The following MIB1 variants were observed in gnomAD, a reference collection of about 807,000 sequenced individuals.
MIB1 encodes E3 ubiquitin-protein ligase MIB1.
In MIB1, 278 loss-of-function variants were observed where a neutral mutation model predicts 124.5. That is an observed-to-expected ratio of 2.23 (90% CI 2.02 to 2.47). The LOEUF is 2.47. Ranked by LOEUF, MIB1 falls within the 30% of genes most tolerant of loss-of-function variation. The pLI is 0.00. For missense variants in MIB1, 957 were observed against 1,254.4 expected (o/e 0.76, Z 3.58); for synonymous variants, 446 against 429.4 (o/e 1.04, Z -0.48).
chr18:21,854,557 C>T (rs1013979945), intron 18 of MIB1: 1 of 161,084 alleles, frequency 6.2e-6, no homozygotes, highest in African/African-American at 2.4e-5. Flanking sequence ...TAATATTTCC[C>T]CCCAGGAGCT....
chr18:21,745,952 A>G (rs2040908325), intron 1 of MIB1, among the ~76,000 whole-genome samples: 1 of 152,044 alleles, frequency 6.6e-6, no homozygotes, highest in African/African-American at 2.4e-5. Context: ...AGTGATCCAT[A>G]GCCTCAGCCT....
rs767113193 is a variant in MIB1 at position 21,864,964 on chromosome 18, TTC to T, written c.*302_*303del. 12 of 206,706 alleles carry T rather than the reference TTC, an allele frequency of 5.8e-5. No individual in the cohort carries two copies. Among genetic ancestry groups the T allele is most frequent in the Non-Finnish European group, 9.6e-5 (10 of 104,358 alleles). The allele number at this position is 206,706 out of a possible 1,614,324, so 12.8% of individuals were successfully genotyped here. On this transcript the variant is annotated 3_prime_UTR_variant, in exon 21 of 21. Transcript: ENST00000261537. ...TATCCTTTTTTAAAAAATTGCATTTTTCTCTTATAATTTGTAAATTTGTTGGA... is the reference window on the plus strand; with the variant it reads ...TATCCTTTTTTAAAAAATTGCATTTTTCTTATAATTTGTAAATTTGTTGGA...
chr18:21,766,650 A>G (rs1408303459), intron 2 of MIB1, among the ~76,000 whole-genome samples: 4 of 113,520 alleles, frequency 3.5e-5, no homozygotes, highest in African/African-American at 9.9e-5. Context: ...GGTGTAGATC[A>G]TAATCGTGCC....
In MIB1 at chr18:21,844,101, C is replaced by T. The variant is rs371835384; in HGVS notation, c.2059C>T (p.Arg687Cys). 3.1e-6 allele frequency: 5 copies of T among 1,613,492 alleles called. No homozygotes were observed. The highest frequency in any genetic ancestry group is 4.2e-6 in the Non-Finnish European group (5 of 1,179,838). ...QHTQIVRLLV[R>C]AGAKLDIQDK... The stretch of plus-strand genomic sequence containing the variant: ...CATCTTTCTCTTTTAGCTTTTGGTC[C>T]GTGCAGGTGCCAAGCTTGATATTCA... The change falls in exon 15 of 21, where the codon CGT becomes TGT. Residue 687 changes from arginine to cysteine, a missense_variant. Physicochemically the swap from Arg to Cys is radical, Grantham distance 180. Coordinates refer to ENST00000261537, the MANE Select transcript of MIB1 (RefSeq NM_020774.4).
At chr18:21,764,042 C>T (rs150741889) in intron 1 of MIB1, among the ~76,000 whole-genome samples, 2 of 152,104 alleles carry the variant, frequency 1.3e-5, no homozygotes, top group East Asian at 1.9e-4. Context: ...GGCATGCCTG[C>T]AGTAGTAATA....
chr18:21,753,628 C>A (rs1041124133), intron 1 of MIB1, among the ~76,000 whole-genome samples: 1 of 152,072 alleles, frequency 6.6e-6, no homozygotes, highest in African/African-American at 2.4e-5. Context: ...AAAGAGACCT[C>A]AAAATGACAG....
At chr18:21,832,766 A>G (rs1373223090) in intron 12 of MIB1, among the ~76,000 whole-genome samples, 1 of 152,204 alleles carries the variant, frequency 6.6e-6, no homozygotes, top group African/African-American at 2.4e-5. Flanking sequence ...GATATTGGGC[A>G]ATTTTAAACA....
chr18:21,792,094 C>G (rs1364749991), intron 7 of MIB1, among the ~76,000 whole-genome samples: 1 of 152,206 alleles, frequency 6.6e-6, no homozygotes, highest in Non-Finnish European at 1.5e-5. Context: ...CTTTCCCTGT[C>G]TGTATCCCTT....
intron 1 of MIB1, among the ~76,000 whole-genome samples, chr18:21,716,149 G>A (rs2040688921): frequency 6.6e-6 from 1 of 152,192 alleles, no homozygotes. Context: ...AAACCTATCA[G>A]ATTAACAACA....
intron 1 of MIB1, among the ~76,000 whole-genome samples, chr18:21,734,105 A>AT (rs1187958268): frequency 0.023 from 2,727 of 118,126 alleles, 45 homozygotes; most frequent in Middle Eastern, 0.04. Context: ...TCTTGCTTTG[A>AT]TTTTTTTTTT....
chr18:21,777,699 T>A (rs1055686495), intron 4 of MIB1, among the ~76,000 whole-genome samples: 10 of 151,920 alleles, frequency 6.6e-5, no homozygotes, highest in African/African-American at 2.2e-4. Context: ...GGATTACAGG[T>A]GTCCAGCAGC....
At chr18:21,832,694 C>T (rs2041994946) in intron 12 of MIB1, among the ~76,000 whole-genome samples, 1 of 152,112 alleles carries the variant, frequency 6.6e-6, no homozygotes, top group Non-Finnish European at 1.5e-5. Context: ...CATTTAATAT[C>T]ATAGCAGTTT....
At chr18:21,817,289 C>G (rs1246143414) in intron 11 of MIB1, among the ~76,000 whole-genome samples, 2 of 149,478 alleles carry the variant, frequency 1.3e-5, no homozygotes, top group East Asian at 4.0e-4. Context: ...GCTGGGACTA[C>G]AGGTGTGAGC....
intron 13 of MIB1, 86 bp from the exon 14 acceptor site, chr18:21,843,045 T>C: frequency 2.2e-6 from 2 of 896,652 alleles, no homozygotes; most frequent in Non-Finnish European, 3.4e-6. Context: ...TGTTCGGTGT[T>C]ATTTATTCCT....
chr18:21,858,930 G>A (rs927693550), intron 20 of MIB1, among the ~76,000 whole-genome samples: 1 of 152,130 alleles, frequency 6.6e-6, no homozygotes, highest in African/African-American at 2.4e-5. Context: ...TTAGATTGAG[G>A]AAAATGTTAA....
chr18:21,815,011 TTATATATATATATA>T (rs60363843), intron 10 of MIB1, among the ~76,000 whole-genome samples: 1,096 of 52,644 alleles, frequency 0.021, 48 homozygotes, highest in African/African-American at 0.048. Flanking sequence ...GCTGTTGGTT[TTATATATATATATA>T]TATATATATA....
intron 15 of MIB1, among the ~76,000 whole-genome samples, chr18:21,846,331 T>G (rs963298775): frequency 2.6e-5 from 4 of 152,202 alleles, no homozygotes; most frequent in African/African-American, 9.7e-5. Flanking sequence ...TCGATAAGGT[T>G]GTTGTAAAGA....
chr18:21,771,148 A>G (rs1450621393), intron 3 of MIB1, among the ~76,000 whole-genome samples: 1 of 152,218 alleles, frequency 6.6e-6, no homozygotes, highest in East Asian at 1.9e-4. Flanking sequence ...GCAACATTAT[A>G]CCTAATGGTT....
chr18:21,761,410 C>G (rs1175069047), intron 1 of MIB1, among the ~76,000 whole-genome samples: 1 of 152,120 alleles, frequency 6.6e-6, no homozygotes, highest in Non-Finnish European at 1.5e-5. Context: ...CACTTTAATA[C>G]TGAAATACAG....
Sources: allele counts gnomAD v4.1 joint callset (sites outside exome capture counted in the v4.1 genomes callset), GRCh38; gene constraint gnomAD v4.1.1; transcripts MANE v1.5; gene names NCBI Gene and HGNC (gene_info 2026-07-23, HGNC 2026-07-21).